The following RBFOX1 variants were observed in gnomAD, a reference collection of about 807,000 sequenced individuals.
RBFOX1 encodes the protein RNA binding fox-1 homolog 1.
In RBFOX1, 8 loss-of-function variants were observed where a neutral mutation model predicts 57.7. The ratio of observed to expected loss-of-function variants is 0.14; its 90% CI spans 0.08 to 0.25. The LOEUF (loss-of-function observed/expected upper bound fraction) is 0.25, where lower values mean the gene tolerates loss of function less well. Among genes scored for constraint, RBFOX1 ranks in the 10% least tolerant of loss-of-function variants. The pLI, the probability that RBFOX1 is intolerant of heterozygous loss-of-function variation, is 1.00. For synonymous variants in RBFOX1, 326 were observed against 222.4 expected, an observed-to-expected ratio of 1.47 and a Z score of -4.15; for missense variants, 611 against 548.5, an observed-to-expected ratio of 1.11 and a Z score of -1.14.
chr16:6,747,892 A>G (rs541912082), intron 3 of RBFOX1, among the ~76,000 whole-genome samples: 4 of 152,144 alleles, frequency 2.6e-5, no homozygotes, highest in Non-Finnish European at 5.9e-5. Context: ...TGGCTTCACC[A>G]TTGTAAAACT....
intron 4 of RBFOX1, among the ~76,000 whole-genome samples, chr16:7,398,281 C>T (rs896435643): frequency 1.3e-5 from 2 of 152,108 alleles, no homozygotes; most frequent in Admixed American, 6.6e-5. Context: ...TTCTTTCCCT[C>T]TGGGTGACAC....
intron 3 of RBFOX1, among the ~76,000 whole-genome samples, chr16:6,683,075 A>G (rs981632220): frequency 2.6e-5 from 4 of 152,134 alleles, no homozygotes; most frequent in Admixed American, 6.5e-5. Flanking sequence ...TACAACATGT[A>G]GAATACTGGA....
chr16:5,724,043 G>C (rs576183169), intron 3 of RBFOX1, among the ~76,000 whole-genome samples: 2 of 152,140 alleles, frequency 1.3e-5, no homozygotes, highest in Non-Finnish European at 2.9e-5. Flanking sequence ...GTGTCCGTGT[G>C]TGTGCATGTG....
chr16:5,910,036 G>C (rs1396975896), intron 4 of RBFOX1, among the ~76,000 whole-genome samples: 3 of 151,674 alleles, frequency 2.0e-5, no homozygotes, highest in Admixed American at 2.0e-4. Flanking sequence ...CTTGGTGACA[G>C]AGCAAGACTT....
At chr16:6,274,809 C>G (rs1343361024) in intron 1 of RBFOX1, among the ~76,000 whole-genome samples, 1 of 152,162 alleles carries the variant, frequency 6.6e-6, no homozygotes, top group Non-Finnish European at 1.5e-5. Context: ...AAACTAAGTG[C>G]TATTCAGAGA....
At chr16:6,076,648 T>TC (rs71142675) in intron 1 of RBFOX1, among the ~76,000 whole-genome samples, 59,018 of 151,922 alleles carry the variant, frequency 0.39, 12,712 homozygotes, top group Non-Finnish European at 0.51. Flanking sequence ...ATAAAATTTT[T>TC]TGTTATGTAT....
At chr16:6,605,039 T>C (rs754376751) in intron 2 of RBFOX1, among the ~76,000 whole-genome samples, 4 of 151,940 alleles carry the variant, frequency 2.6e-5, no homozygotes, top group African/African-American at 7.2e-5. Flanking sequence ...TATATAAAAA[T>C]ATATAAACAC....
chr16:7,412,667 C>T (rs1019559296), intron 4 of RBFOX1, among the ~76,000 whole-genome samples: 98 of 152,252 alleles, frequency 6.4e-4, no homozygotes, highest in African/African-American at 2.2e-3. Context: ...TGTTAGACTC[C>T]CAAAGGCTTT....
At chr16:5,386,600 A>T (rs2151405567) in intron 1 of RBFOX1, among the ~76,000 whole-genome samples, 1 of 152,038 alleles carries the variant, frequency 6.6e-6, no homozygotes, top group South Asian at 2.1e-4. Flanking sequence ...CCCTTGTGTG[A>T]CCTTACCCTT....
At chr16:5,659,568 G>A (rs1003519936) in intron 3 of RBFOX1, among the ~76,000 whole-genome samples, 7 of 152,092 alleles carry the variant, frequency 4.6e-5, no homozygotes, top group Non-Finnish European at 8.8e-5. Flanking sequence ...CTCCCAAAGT[G>A]CTGGGATTAC....
At chr16:6,712,322 C>G (rs762488088) in intron 3 of RBFOX1, among the ~76,000 whole-genome samples, 7 of 152,142 alleles carry the variant, frequency 4.6e-5, no homozygotes, top group Non-Finnish European at 8.8e-5. Context: ...GCCAAATACC[C>G]ATTTGCGCAT....
intron 1 of RBFOX1, among the ~76,000 whole-genome samples, chr16:5,267,471 T>C (rs1014434671): frequency 5.9e-5 from 9 of 152,054 alleles, no homozygotes; most frequent in Non-Finnish European, 1.0e-4. Context: ...CTAATTTTTG[T>C]ATTTTTAGTA....
chr16:6,892,774 C>G (rs994217305), intron 3 of RBFOX1, among the ~76,000 whole-genome samples: 3 of 54,538 alleles, frequency 5.5e-5, no homozygotes, highest in African/African-American at 1.9e-4. Context: ...CTCCCTGTCT[C>G]CCTCTCTCTC....
At chr16:6,844,649 A>G (rs777153367) in intron 3 of RBFOX1, among the ~76,000 whole-genome samples, 1 of 152,074 alleles carries the variant, frequency 6.6e-6, no homozygotes, top group Non-Finnish European at 1.5e-5. Flanking sequence ...ATTAACTTAC[A>G]TGTGCACATA....
intron 3 of RBFOX1, among the ~76,000 whole-genome samples, chr16:5,825,536 C>A (rs2151814058): frequency 6.6e-6 from 1 of 152,250 alleles, no homozygotes; most frequent in South Asian, 2.1e-4. Context: ...ATTATAGCAT[C>A]TTTTCTCAGT....
chr16:6,714,301 A>T (rs553412195), intron 3 of RBFOX1, among the ~76,000 whole-genome samples: 1 of 152,244 alleles, frequency 6.6e-6, no homozygotes, highest in East Asian at 1.9e-4. Flanking sequence ...TCATTATAGT[A>T]TTGTGAAATC....
At chr16:6,695,413 C>CAAAA (rs71145278) in intron 3 of RBFOX1, among the ~76,000 whole-genome samples, 86 of 109,072 alleles carry the variant, frequency 7.9e-4, no homozygotes, top group African/African-American at 2.3e-3. Context: ...GAAACTCTGT[C>CAAAA]AAAAAAAAAA....
chr16:7,151,103 T>C (rs372037878), intron 4 of RBFOX1, among the ~76,000 whole-genome samples: 1 of 152,162 alleles, frequency 6.6e-6, no homozygotes, highest in Admixed American at 6.5e-5. Flanking sequence ...TCAGGAACTG[T>C]TTTATTAAGC....
chr16:6,843,203 T>G (rs1375542179), intron 3 of RBFOX1, among the ~76,000 whole-genome samples: 1 of 152,168 alleles, frequency 6.6e-6, no homozygotes, highest in Non-Finnish European at 1.5e-5. Context: ...CTCTTGGGTT[T>G]AAAGAATGGG....
Sources: allele counts gnomAD v4.1 joint callset (sites outside exome capture counted in the v4.1 genomes callset), GRCh38; gene constraint gnomAD v4.1.1; transcripts MANE v1.5; gene names NCBI Gene and HGNC (gene_info 2026-07-23, HGNC 2026-07-21).